The following TRIM60 variants were observed in gnomAD, a reference collection of about 807,000 sequenced individuals.
The protein encoded by TRIM60 is tripartite motif-containing protein 60.
For missense variants in TRIM60, 524 were observed against 540.8 expected (o/e 0.97, Z 0.31); for synonymous variants, 189 against 195.2 (o/e 0.97, Z 0.27).
At position 165,040,128 on chromosome 4, in the gene TRIM60, G is replaced by A; in HGVS notation, c.56G>A (p.Cys19Tyr). The change falls in exon 3 of 3, where the codon TGT becomes TAT. Residue 19 changes from cysteine (C) to tyrosine (Y), a missense_variant. Coordinates refer to ENST00000512596, the MANE Select transcript of TRIM60 (RefSeq NM_152620.3). ...NLQEESSCPI[C>Y]LEYLKDPVTI... The stretch of plus-strand genomic sequence containing the variant: ...CAAGAGGAGTCTAGCTGTCCCATCT[G>A]TCTGGAGTACTTGAAAGACCCAGTG... 7 of 1,613,780 alleles carry A rather than the reference G, an allele frequency of 4.3e-6. No homozygotes were observed. The highest frequency in any genetic ancestry group is 5.9e-6 in the Non-Finnish European group (7 of 1,180,020).
In TRIM60 at chr4:165,040,167, G is replaced by T. The variant is rs369097220; in HGVS notation, c.95G>T (p.Gly32Val). Residue 32 changes from glycine (G) to valine (V), a missense_variant, in exon 3 of 3, where the codon GGG becomes GTG. By Grantham distance (109) the Gly-to-Val change is moderately radical. Transcript: ENST00000512596. ...AAAGACCCAGTGACCATCAACTGTG[G>T]GCACAACTTCTGTCGCTCCTGCCTC... ...YLKDPVTINCGHNFCRSCLSV... is the reference protein window; with the variant it reads ...YLKDPVTINCVHNFCRSCLSV... 3 of 1,614,088 alleles carry T rather than the reference G, an allele frequency of 1.9e-6. No homozygotes were observed. The highest frequency in any genetic ancestry group is 2.5e-6 in the Non-Finnish European group (3 of 1,180,022).
At chr4:165,038,043 G>A (rs145642553) in intron 1 of TRIM60, among the ~76,000 whole-genome samples, 82 of 152,252 alleles carry the variant, frequency 5.4e-4, no homozygotes, top group African/African-American at 1.9e-3. Context: ...TGAAAGTAAA[G>A]AGATGGGATA....
chr4:165,035,641 A>G (rs1263755260), intron 1 of TRIM60, among the ~76,000 whole-genome samples: 1 of 152,222 alleles, frequency 6.6e-6, no homozygotes, highest in East Asian at 1.9e-4. Context: ...CTAGTTTCTC[A>G]GAAGGAAAGC....
At chr4:165,036,323 G>A (rs890998785) in intron 1 of TRIM60, among the ~76,000 whole-genome samples, 3 of 152,154 alleles carry the variant, frequency 2.0e-5, no homozygotes, top group Admixed American at 1.3e-4. Flanking sequence ...ATAGATGTAG[G>A]TAAGTGAATG....
At chr4:165,036,417 GTTTT>G (rs1733625218) in intron 1 of TRIM60, among the ~76,000 whole-genome samples, 2 of 152,052 alleles carry the variant, frequency 1.3e-5, no homozygotes, top group Non-Finnish European at 2.9e-5. Flanking sequence ...ATGTTTGCTT[GTTTT>G]TTTAAGTTTA....
chr4:165,034,803 A>G (rs1733585499), intron 1 of TRIM60, among the ~76,000 whole-genome samples: 1 of 152,210 alleles, frequency 6.6e-6, no homozygotes, highest in Non-Finnish European at 1.5e-5. Context: ...TTTCTGCCCG[A>G]CTACTGCTAT....
chr4:165,035,907 G>C (rs59901169), intron 1 of TRIM60, among the ~76,000 whole-genome samples: 1 of 152,036 alleles, frequency 6.6e-6, no homozygotes, highest in Admixed American at 6.6e-5. Context: ...ATTTTTAGTA[G>C]AGACAGGGTT....
chr4:165,040,712 G>A lies in TRIM60; in HGVS notation c.640G>A (p.Ala214Thr), dbSNP rs778318300. The part of the protein sequence containing the change: ...QIQDEEMNIL[A>T]KLNENLVELS... ...ACAAGATGAAGAGATGAACATTTTA[G>A]CAAAACTAAATGAAAACCTTGTAGA... The change falls in exon 3 of 3, where the codon GCA becomes ACA. Residue 214 changes from alanine to threonine, a missense_variant. Coordinates refer to ENST00000512596, the MANE Select transcript of TRIM60 (RefSeq NM_152620.3). 2 of 1,613,852 alleles carry A rather than the reference G, an allele frequency of 1.2e-6. No homozygotes were observed. The highest frequency in any genetic ancestry group is 1.7e-6 in the Non-Finnish European group (2 of 1,179,948).
chr4:165,032,012 C>T lies in TRIM60; in HGVS notation c.-157C>T, dbSNP rs754787895. On this transcript the variant is annotated 5_prime_UTR_variant, in exon 1 of 3. Transcript: ENST00000512596. ...AATTGTATGCCTAAAACTCGAAAAC[C>T]AAGGCGCCCAGGGTTGTGTGAGGGT... is the stretch of plus-strand genomic sequence containing the variant. 6.6e-6 allele frequency: 1 copy of T among 152,302 alleles called. No individual in the cohort carries two copies. 9.4% of individuals were successfully genotyped at this position (152,302 alleles called of 1,614,324 possible).
chr4:165,034,897 C>T (rs745398869), intron 1 of TRIM60, among the ~76,000 whole-genome samples: 4 of 152,050 alleles, frequency 2.6e-5, no homozygotes, highest in East Asian at 1.9e-4. Context: ...ATACATACTA[C>T]GACAGTTAAT....
At chr4:165,033,046 C>T (rs1379220405) in intron 1 of TRIM60, among the ~76,000 whole-genome samples, 1 of 151,168 alleles carries the variant, frequency 6.6e-6, no homozygotes, top group Non-Finnish European at 1.5e-5. Flanking sequence ...AAAAAAAATC[C>T]GGGCATGGTG....
intron 1 of TRIM60, among the ~76,000 whole-genome samples, chr4:165,035,575 C>T (rs766149821): frequency 9.9e-5 from 15 of 152,226 alleles, no homozygotes; most frequent in Non-Finnish European, 1.5e-4. Context: ...TTTGTCTTTC[C>T]GGAATTTTTA....
Position 165,040,715 on chromosome 4 carries a change from A to G in TRIM60, c.643A>G (p.Lys215Glu), listed in dbSNP as rs1733739761. ...IQDEEMNILA[K>E]LNENLVELSD... The stretch of plus-strand genomic sequence containing the variant: ...AGATGAAGAGATGAACATTTTAGCA[A>G]AACTAAATGAAAACCTTGTAGAACT... The change falls in exon 3 of 3, where the codon AAA becomes GAA. Residue 215 changes from lysine to glutamate, a missense_variant. Coordinates refer to ENST00000512596, the MANE Select transcript of TRIM60 (RefSeq NM_152620.3). The G allele has an allele frequency of 5.6e-6, 9 of 1,613,964 alleles. No individual in the cohort carries two copies. The highest frequency in any genetic ancestry group is 7.6e-6 in the Non-Finnish European group (9 of 1,179,976).
intron 1 of TRIM60, among the ~76,000 whole-genome samples, chr4:165,033,017 CT>C (rs1444752709): frequency 1.4e-5 from 2 of 147,122 alleles, no homozygotes; most frequent in Admixed American, 1.4e-4. Flanking sequence ...AGTGAGACCC[CT>C]GTCTCTACAA....
chr4:165,040,230 G>A lies in TRIM60; in HGVS notation c.158G>A (p.Cys53Tyr), dbSNP rs748019823. 1.8e-5 allele frequency: 29 copies of A among 1,614,034 alleles called. No individual in the cohort carries two copies. Among genetic ancestry groups the A allele is most frequent in the Admixed American group, 5.0e-5 (3 of 60,002 alleles). The change falls in exon 3 of 3, where the codon TGT (cysteine) becomes TAT (tyrosine). Residue 53 changes from cysteine (C) to tyrosine (Y), a missense_variant. Coordinates refer to ENST00000512596, the MANE Select transcript of TRIM60 (RefSeq NM_152620.3). The part of the protein sequence containing the change: ...SWKDLDDTFP[C>Y]PVCRFCFPYK... Reference sequence around the variant, plus strand: ...AAGGATCTAGATGATACCTTTCCCTGTCCTGTCTGCCGTTTTTGCTTTCCA... The same window carrying A: ...AAGGATCTAGATGATACCTTTCCCTATCCTGTCTGCCGTTTTTGCTTTCCA...
chr4:165,034,967 TA>T (rs1436091170), intron 1 of TRIM60, among the ~76,000 whole-genome samples: 1 of 152,212 alleles, frequency 6.6e-6, no homozygotes, highest in East Asian at 1.9e-4. Flanking sequence ...GGAAATTTTA[TA>T]AGATTTTGTA....
intron 1 of TRIM60, among the ~76,000 whole-genome samples, chr4:165,034,673 TG>T (rs1315357790): frequency 2.0e-5 from 3 of 152,204 alleles, no homozygotes; most frequent in African/African-American, 7.2e-5. Flanking sequence ...AATTGGAAGG[TG>T]GGAAGAGTTA....
chr4:165,039,450 G>T (rs1733695390), intron 2 of TRIM60, 198 bp downstream of exon 2: 1 of 152,230 alleles, frequency 6.6e-6, no homozygotes, highest in Non-Finnish European at 1.5e-5. Flanking sequence ...AGGGATGACC[G>T]CTGTATTATA....
chr4:165,033,104 C>A (rs1329186432), intron 1 of TRIM60, among the ~76,000 whole-genome samples: 1 of 151,988 alleles, frequency 6.6e-6, no homozygotes, highest in Admixed American at 6.6e-5. Flanking sequence ...GTGCGAGGAT[C>A]GCTTGAGCCT....
Sources: gnomAD v4.1 joint callset for allele counts (sites outside exome capture counted in the v4.1 genomes callset) on GRCh38, gnomAD v4.1.1 for gene constraint, MANE v1.5 for transcripts, NCBI Gene and HGNC (gene_info 2026-07-23, HGNC 2026-07-21) for gene names.